SHISA9: variants seen among roughly 807,000 people sequenced by gnomAD.
SHISA9 encodes shisa family member 9.
SHISA9 carries 13 observed loss-of-function variants against 38.0 expected under a neutral mutation model. That is an observed-to-expected ratio of 0.34 (90% CI 0.22 to 0.54). SHISA9 has a LOEUF of 0.54. Ranked by LOEUF, SHISA9 falls within the 20% of genes least tolerant of loss-of-function variation. The pLI is 0.91. For missense variants in SHISA9, 538 were observed against 575.8 expected, an observed-to-expected ratio of 0.93 and a Z score of 0.67; for synonymous variants, 275 against 242.0, an observed-to-expected ratio of 1.14 and a Z score of -1.27.
chr16:13,355,119 C>T, the SHISA9 span, among the ~76,000 whole-genome samples: 1 of 150,128 alleles, frequency 6.7e-6, no homozygotes, highest in Non-Finnish European at 1.5e-5. Context: ...GGTTTGGCAC[C>T]ACGGGGTGGA....
intron 2 of SHISA9, among the ~76,000 whole-genome samples, chr16:13,019,938 TC>T (rs2072824919): frequency 4.0e-5 from 4 of 100,788 alleles, no homozygotes; most frequent in Non-Finnish European, 8.8e-5. Context: ...TTTCTTTCTT[TC>T]TTTCTTTCTT....
chr16:13,052,895 A>C (rs1174008736), intron 2 of SHISA9, among the ~76,000 whole-genome samples: 1 of 151,312 alleles, frequency 6.6e-6, no homozygotes, highest in Non-Finnish European at 1.5e-5. Context: ...ATTTAAGTTA[A>C]TTACTCAAGT....
At chr16:13,500,385 G>C in the SHISA9 span, among the ~76,000 whole-genome samples, 10 of 152,240 alleles carry the variant, frequency 6.6e-5, no homozygotes, top group South Asian at 2.1e-3. Context: ...ATAGCAGTGT[G>C]AGAAAGGACT....
chr16:13,467,847 C>A, the SHISA9 span, among the ~76,000 whole-genome samples: 1 of 152,160 alleles, frequency 6.6e-6, no homozygotes, highest in African/African-American at 2.4e-5. Context: ...ATTTGTCTCC[C>A]CTAGAAGAAG....
chr16:13,009,480 C>T (rs1336432110), intron 2 of SHISA9, among the ~76,000 whole-genome samples: 1 of 152,152 alleles, frequency 6.6e-6, no homozygotes, highest in Non-Finnish European at 1.5e-5. Flanking sequence ...TTTCCTCCTC[C>T]ATTTTCCCTG....
chr16:13,103,475 G>T (rs2073898480), intron 2 of SHISA9, among the ~76,000 whole-genome samples: 1 of 152,178 alleles, frequency 6.6e-6, no homozygotes, highest in Non-Finnish European at 1.5e-5. Flanking sequence ...CTAATGAATG[G>T]GAAGAAAGCC....
At chr16:12,939,750 G>A (rs1387964201) in intron 2 of SHISA9, among the ~76,000 whole-genome samples, 3 of 152,168 alleles carry the variant, frequency 2.0e-5, no homozygotes, top group African/African-American at 4.8e-5. Flanking sequence ...ACATCATAGA[G>A]AGGATAGATG....
rs5815739 is a variant in SHISA9 at position 13,060,637 on chromosome 16, CAAA to C, written c.692-142735_692-142733del. ...TGGGCAACACAGTGAGACCCCATCT[CAAA>C]AAAAAAAAAAAAAAAAAAAAACACT... On this transcript the variant is annotated intron_variant, in intron 2 of 4. Coordinates refer to ENST00000558583, the MANE Select transcript of SHISA9 (RefSeq NM_001145204.3). 6.4e-4 allele frequency among the ~76,000 whole-genome samples: 55 copies of C among 86,550 alleles called. No individual in the cohort carries two copies. The East Asian group carries it at 0.012, about 18-fold the overall frequency. The allele number at this position is 86,550 out of a possible 152,430, so 56.8% of individuals were successfully genotyped here. A position where few individuals can be genotyped will look rare whatever the true frequency, so the allele number is the denominator to read the frequency against.
chr16:13,448,505 G>A, the SHISA9 span, among the ~76,000 whole-genome samples: 5 of 152,174 alleles, frequency 3.3e-5, no homozygotes, highest in African/African-American at 4.8e-5. Context: ...TGCCCAGAAT[G>A]AGATAAGAGG....
chr16:13,022,368 G>C, intron 2 of SHISA9, among the ~76,000 whole-genome samples: 1 of 151,396 alleles, frequency 6.6e-6, no homozygotes, highest in Middle Eastern at 3.2e-3. Context: ...TTTCGCTCTT[G>C]TTGCCCAGGC....
chr16:13,196,357 A>G (rs2050941568), intron 2 of SHISA9, among the ~76,000 whole-genome samples: 1 of 148,144 alleles, frequency 6.8e-6, no homozygotes, highest in Non-Finnish European at 1.5e-5. Flanking sequence ...AGATTGCACC[A>G]CTGCACTCCA....
chr16:13,388,310 ATT>A, the SHISA9 span, among the ~76,000 whole-genome samples: 75 of 140,184 alleles, frequency 5.4e-4, no homozygotes, highest in Non-Finnish European at 4.7e-4. Context: ...AATTTGGGGA[ATT>A]TTTTTTTTTT....
intron 2 of SHISA9, among the ~76,000 whole-genome samples, chr16:13,081,884 C>G (rs563770769): frequency 4.6e-5 from 7 of 150,998 alleles, no homozygotes; most frequent in Admixed American, 1.3e-4. Flanking sequence ...TACTGATCAA[C>G]TAGATTTAGC....
chr16:13,278,570 T>A, the SHISA9 span, among the ~76,000 whole-genome samples: 1 of 152,082 alleles, frequency 6.6e-6, no homozygotes, highest in African/African-American at 2.4e-5. Flanking sequence ...TGGTAATTTT[T>A]AAATTACCAT....
chr16:12,999,882 C>A (rs2072502921), intron 2 of SHISA9, among the ~76,000 whole-genome samples: 1 of 152,168 alleles, frequency 6.6e-6, no homozygotes, highest in Non-Finnish European at 1.5e-5. Context: ...ATTCCATTGG[C>A]CAGAACTAGT....
chr16:13,482,095 C>G, the SHISA9 span, among the ~76,000 whole-genome samples: 1 of 152,228 alleles, frequency 6.6e-6, no homozygotes, highest in Admixed American at 6.5e-5. Context: ...TGCTGGAATG[C>G]TAACCTGTAG....
At chr16:13,453,240 A>C in the SHISA9 span, among the ~76,000 whole-genome samples, 6 of 152,192 alleles carry the variant, frequency 3.9e-5, no homozygotes, top group Non-Finnish European at 8.8e-5. Flanking sequence ...TTGCCCTTGC[A>C]ATATGGGGAT....
the SHISA9 span, among the ~76,000 whole-genome samples, chr16:13,472,585 G>A: frequency 6.6e-6 from 1 of 151,364 alleles, no homozygotes; most frequent in East Asian, 1.9e-4. Context: ...GTAGAGATGG[G>A]GTTTCACCAT....
At chr16:13,118,362 C>T (rs935486536) in intron 2 of SHISA9, among the ~76,000 whole-genome samples, 4 of 151,946 alleles carry the variant, frequency 2.6e-5, no homozygotes, top group Non-Finnish European at 5.9e-5. Context: ...CAGCTGAGCC[C>T]TAAAGAGCAA....
Sources: allele counts gnomAD v4.1 joint callset (sites outside exome capture counted in the v4.1 genomes callset), GRCh38; gene constraint gnomAD v4.1.1; transcripts MANE v1.5; gene names NCBI Gene and HGNC (gene_info 2026-07-23, HGNC 2026-07-21).